AXL: variants seen among roughly 807,000 people sequenced by gnomAD.
AXL encodes AXL receptor tyrosine kinase.
A neutral mutation model predicts 104.5 loss-of-function variants in AXL; 52 were observed. That is an observed-to-expected ratio of 0.50 (90% CI 0.40 to 0.63). The LOEUF is 0.63. AXL is among the 20% of genes least tolerant of loss of function. The pLI, the probability that AXL is intolerant of heterozygous loss-of-function variation, is 0.00. For missense variants in AXL, 1,024 were observed against 1,188.5 expected (o/e 0.86, Z 2.04); for synonymous variants, 455 against 473.7 (o/e 0.96, Z 0.51).
In AXL at chr19:41,253,736, C is replaced by CT. The variant is rs756319665; in HGVS notation, c.2036+28_2036+29insT. The CT allele has an allele frequency of 3.2e-6, 4 of 1,262,710 alleles. No individual in the cohort carries two copies. In the South Asian group the frequency reaches 3.9e-5, roughly 12 times the overall value. 78.2% of individuals were successfully genotyped at this position (1,262,710 alleles called of 1,614,324 possible). A position where few individuals can be genotyped will look rare whatever the true frequency, so the allele number is the denominator to read the frequency against. ...GAGTGCCTTTCAGGGACCCCCCCCC[C>CT]CCAACTGCTCCTGCACTCCCTGAGG... On this transcript the variant is annotated intron_variant, in intron 17 of 19. Transcript: ENST00000301178.
chr19:41,237,819 C>T, intron 6 of AXL, 125 bp from the exon 7 acceptor site: 2 of 840,628 alleles, frequency 2.4e-6, no homozygotes, highest in Admixed American at 4.7e-5. Context: ...CCTAGCATGG[C>T]ACTGCAACAC....
chr19:41,250,344 G>C (rs1021419195), intron 14 of AXL, among the ~76,000 whole-genome samples: 3 of 152,190 alleles, frequency 2.0e-5, no homozygotes, highest in Non-Finnish European at 4.4e-5. Context: ...GATCCTTTCT[G>C]AATTACAGGG....
At chr19:41,256,334 C>G in intron 17 of AXL, 118 bp from the exon 18 acceptor site, 2 of 1,231,496 alleles carry the variant, frequency 1.6e-6, no homozygotes, top group South Asian at 1.4e-5. Context: ...GGAGACAGAT[C>G]CCCACCCGCA....
At chr19:41,228,260 C>T (rs1022952515) in intron 4 of AXL, among the ~76,000 whole-genome samples, 13 of 152,000 alleles carry the variant, frequency 8.6e-5, no homozygotes, top group Admixed American at 3.3e-4. Context: ...CACTCGAAAA[C>T]AGTTACTCAA....
intron 10 of AXL, among the ~76,000 whole-genome samples, chr19:41,242,176 TC>T (rs769167246): frequency 6.6e-6 from 1 of 152,040 alleles, no homozygotes; most frequent in Non-Finnish European, 1.5e-5. Context: ...ATTCCACTCT[TC>T]TGTTTTTTTG....
intron 12 of AXL, among the ~76,000 whole-genome samples, chr19:41,246,444 C>CA (rs147904229): frequency 0.17 from 20,810 of 122,188 alleles, 1,549 homozygotes; most frequent in South Asian, 0.3. Context: ...GAGACTGTCT[C>CA]AAAAAAAAAA....
chr19:41,242,000 T>A (rs1451117808), intron 10 of AXL, among the ~76,000 whole-genome samples: 2 of 152,162 alleles, frequency 1.3e-5, no homozygotes, highest in African/African-American at 4.8e-5. Flanking sequence ...ATCTACACTC[T>A]AGTCCACCCT....
Position 41,249,892 on chromosome 19 carries a change from G to A in AXL, c.1711+1072G>A, listed in dbSNP as rs376541498. Among the ~76,000 whole-genome samples, 45 of 152,248 alleles carry A rather than the reference G, an allele frequency of 3.0e-4. 2 individuals carry two copies. Among genetic ancestry groups the A allele is most frequent in the African/African-American group, 1.0e-3 (42 of 41,546 alleles). On this transcript the variant is annotated intron_variant, in intron 14 of 19. Transcript: ENST00000301178. ...CCGCTACCTGCCAGTCTCCCATAAG[G>A]GCCTACCTCCCATTGGCAAATCCCA...
rs68001077 is a variant in AXL at position 41,253,726 on chromosome 19, A to ACC, written c.2036+29_2036+30dup. Reference sequence around the variant, plus strand: ...AACTGCATGTGAGTGCCTTTCAGGGACCCCCCCCCCCCAACTGCTCCTGCA... The same window carrying ACC: ...AACTGCATGTGAGTGCCTTTCAGGGACCCCCCCCCCCCCCAACTGCTCCTGCA... On this transcript the variant is annotated intron_variant, in intron 17 of 19. Coordinates refer to ENST00000301178, the MANE Select transcript of AXL (RefSeq NM_021913.5). The ACC allele has an allele frequency of 5.3e-4, 728 of 1,383,574 alleles. 2 individuals carry two copies. The highest frequency in any genetic ancestry group is 1.2e-3 in the Middle Eastern group (6 of 4,958). The allele number at this position is 1,383,574 out of a possible 1,614,324, so 85.7% of individuals were successfully genotyped here.
intron 6 of AXL, among the ~76,000 whole-genome samples, chr19:41,235,141 A>C (rs1176539570): frequency 6.6e-6 from 1 of 152,010 alleles, no homozygotes; most frequent in African/African-American, 2.4e-5. Context: ...CACCTGAGGT[A>C]GGGAGTTTGA....
rs1364235610 is a variant in AXL, at chr19:41,230,830, C to A, written c.587-137C>A. 1.1e-5 allele frequency: 9 copies of A among 850,350 alleles called. No homozygotes were observed. In the East Asian group the frequency reaches 1.7e-4, roughly 16 times the overall value. 52.7% of individuals were successfully genotyped at this position (850,350 alleles called of 1,614,324 possible). A position where few individuals can be genotyped will look rare whatever the true frequency, so the allele number is the denominator to read the frequency against. On this transcript the variant is annotated intron_variant, in intron 4 of 19. Transcript: ENST00000301178. The stretch of plus-strand genomic sequence containing the variant: ...AACTCATTGCCCTCAACTCTGCTAA[C>A]CCTCCCTTCAGGCAAGTGCCTGTGT...
intron 11 of AXL, 30 bp from the exon 12 acceptor site, chr19:41,243,586 C>G (rs1568414961): frequency 6.4e-7 from 1 of 1,574,390 alleles, no homozygotes; most frequent in Non-Finnish European, 8.7e-7. Flanking sequence ...TGGTTTTTCC[C>G]TGCCCTCACC....
At chr19:41,230,624 CTA>C (rs1190780748) in intron 4 of AXL, among the ~76,000 whole-genome samples, 6 of 141,910 alleles carry the variant, frequency 4.2e-5, no homozygotes, top group Admixed American at 1.4e-4. Context: ...GTATGTGTGT[CTA>C]TGTGTGTGTA....
At chr19:41,229,806 G>T (rs774856353) in intron 4 of AXL, among the ~76,000 whole-genome samples, 5 of 152,114 alleles carry the variant, frequency 3.3e-5, no homozygotes, top group Non-Finnish European at 5.9e-5. Context: ...TTGGTAGGAG[G>T]CGAGCTTAGA....
chr19:41,229,938 T>G (rs1001569773), intron 4 of AXL, among the ~76,000 whole-genome samples: 1 of 152,120 alleles, frequency 6.6e-6, no homozygotes, highest in African/African-American at 2.4e-5. Flanking sequence ...TGTTTGTGCA[T>G]GTGAGTGTGT....
At chr19:41,256,114 G>T (rs936876231) in intron 17 of AXL, among the ~76,000 whole-genome samples, 1 of 147,800 alleles carries the variant, frequency 6.8e-6, no homozygotes, top group Non-Finnish European at 1.5e-5. Context: ...AATTCAGTGA[G>T]CTGCTTACTT....
chr19:41,237,537 C>T (rs572681871), intron 6 of AXL, among the ~76,000 whole-genome samples: 9 of 152,194 alleles, frequency 5.9e-5, no homozygotes, highest in Non-Finnish European at 1.3e-4. Context: ...GCCACCGTGC[C>T]CAGTCTATTT....
Position 41,239,294 on chromosome 19 carries a change from C to A in AXL, c.1265C>A (p.Pro422His), listed in dbSNP as rs772598456. Reference protein sequence around the residue: ...AGDGPWSLPVPLEAWRPGQAQ... With the variant: ...AGDGPWSLPVHLEAWRPGQAQ... ...GATGGACCCTGGAGCCTCCCAGTAC[C>A]CCTGGAGGCCTGGCGCCCAGGTAAG... The change falls in exon 9 of 20, where the codon CCC (proline) becomes CAC (histidine). Residue 422 changes from proline (P) to histidine (H), a missense_variant. Around this residue, in one of 5 missense-constraint regions of AXL, gnomAD observed 523 missense variants for 636.0 expected, o/e 0.82. Transcript: ENST00000301178. The A allele has an allele frequency of 2.5e-6, 4 of 1,586,928 alleles. No homozygotes were observed. Among genetic ancestry groups the A allele is most frequent in the Non-Finnish European group, 3.4e-6 (4 of 1,168,324 alleles).
Position 41,238,475 on chromosome 19 carries a change from CT to C in AXL, c.1001del (p.Leu334ArgfsTer32). On this transcript the variant is annotated frameshift_variant, in exon 8 of 20. Coordinates refer to ENST00000301178, the MANE Select transcript of AXL (RefSeq NM_021913.5). LOFTEE classifies it high-confidence loss of function. ...LPVETPEGVP[L>X]GPPENISATR... Reference sequence around the variant, plus strand: ...CCCTCTTCCCTGTCCTCCAGTGCCCCTGGGCCCCCCTGAGAACATTAGTGCT... The same window carrying C: ...CCCTCTTCCCTGTCCTCCAGTGCCCCGGGCCCCCCTGAGAACATTAGTGCT... 1 of 1,610,740 alleles carries C rather than the reference CT, an allele frequency of 6.2e-7. No individual in the cohort carries two copies. The highest frequency in any genetic ancestry group is 8.5e-7 in the Non-Finnish European group (1 of 1,177,412).
Sources: gnomAD v4.1 joint callset for allele counts (sites outside exome capture counted in the v4.1 genomes callset) on GRCh38, gnomAD v4.1.1 for gene constraint, gnomAD v4.1.1 regional missense constraint, MANE v1.5 for transcripts, NCBI Gene and HGNC (gene_info 2026-07-23, HGNC 2026-07-21) for gene names.